The following GABRR3 variants were observed in gnomAD, a reference collection of about 807,000 sequenced individuals.
The protein encoded by GABRR3 is gamma-aminobutyric acid receptor subunit rho-3.
A neutral mutation model predicts 43.2 loss-of-function variants in GABRR3; 29 were observed. The observed-to-expected ratio is 0.67, with a 90% CI of 0.50 to 0.92. The LOEUF (loss-of-function observed/expected upper bound fraction) is 0.92. GABRR3 is among the 40% of genes least tolerant of loss of function. GABRR3 has a pLI of 0.00. For synonymous variants in GABRR3, 206 were observed against 195.9 expected (o/e 1.05, Z -0.43); for missense variants, 576 against 572.3 (o/e 1.01, Z -0.07).
chr3:98,031,657 C>A (rs1413540110), intron 2 of GABRR3, among the ~76,000 whole-genome samples: 1 of 152,008 alleles, frequency 6.6e-6, no homozygotes, highest in African/African-American at 2.4e-5. Flanking sequence ...GTGGGAGGAC[C>A]ACTTGAGCAC....
At chr3:97,997,321 G>C (rs896075998) in intron 8 of GABRR3, 6 of 152,012 alleles carry the variant, frequency 3.9e-5, no homozygotes, top group Admixed American at 2.6e-4. Context: ...TAATTCCAAA[G>C]GCTGAAATCC....
chr3:97,995,551 C>A (rs1040636856), intron 8 of GABRR3, among the ~76,000 whole-genome samples: 7 of 151,370 alleles, frequency 4.6e-5, no homozygotes, highest in African/African-American at 1.7e-4. Context: ...TTGACAATAG[C>A]CTTATTTATT....
intron 2 of GABRR3, 168 bp downstream of exon 2, chr3:98,034,695 T>G (rs1273359061): frequency 3.0e-6 from 1 of 332,552 alleles, no homozygotes; most frequent in Admixed American, 6.5e-5. Flanking sequence ...CTTTCGGATG[T>G]CAAACAGAGG....
intron 2 of GABRR3, among the ~76,000 whole-genome samples, chr3:98,026,583 C>T (rs1176935919): frequency 7.6e-6 from 1 of 130,776 alleles, no homozygotes; most frequent in Non-Finnish European, 1.7e-5. Flanking sequence ...TCAGCACCTC[C>T]TTCCAGAAAA....
At chr3:98,017,953 G>A (rs1441271872) in intron 3 of GABRR3, among the ~76,000 whole-genome samples, 1 of 150,818 alleles carries the variant, frequency 6.6e-6, no homozygotes, top group Non-Finnish European at 1.5e-5. Flanking sequence ...ATTTGCTTGG[G>A]ATCATGCCAA....
At chr3:98,006,751 C>T (rs916829561) in intron 7 of GABRR3, among the ~76,000 whole-genome samples, 2 of 152,054 alleles carry the variant, frequency 1.3e-5, no homozygotes, top group Admixed American at 6.5e-5. Flanking sequence ...ATATTAATAT[C>T]CAGAAGGGGA....
intron 8 of GABRR3, chr3:97,998,628 C>T (rs1706592090): frequency 6.6e-6 from 1 of 152,076 alleles, no homozygotes; most frequent in Non-Finnish European, 1.5e-5. Context: ...AATACTACTC[C>T]CTTTTCAAAC....
intron 8 of GABRR3, among the ~76,000 whole-genome samples, chr3:97,995,017 C>A (rs1158351377): frequency 6.6e-6 from 1 of 151,566 alleles, no homozygotes; most frequent in Non-Finnish European, 1.5e-5. Flanking sequence ...TTGCTCTTGT[C>A]CCCCAGGCTG....
chr3:98,028,677 G>T (rs1000036397), intron 2 of GABRR3, among the ~76,000 whole-genome samples: 21 of 152,138 alleles, frequency 1.4e-4, no homozygotes, highest in Non-Finnish European at 2.8e-4. Context: ...GGACACTGCA[G>T]GTGGTGAGTA....
At chr3:97,989,154 T>C (rs111066837) in intron 9 of GABRR3, among the ~76,000 whole-genome samples, 3,501 of 149,614 alleles carry the variant, frequency 0.023, 112 homozygotes, top group African/African-American at 0.079. Context: ...TAGTAGGATG[T>C]AGTGGTGGTT....
chr3:97,994,231 A>G (rs575000435), intron 8 of GABRR3, among the ~76,000 whole-genome samples: 104 of 152,306 alleles, frequency 6.8e-4, no homozygotes, highest in African/African-American at 2.5e-3. Flanking sequence ...ACACCTTTCT[A>G]TCCTTTCTGT....
intron 6 of GABRR3, 38 bp from the exon 7 acceptor site, chr3:98,007,942 G>A (rs990081644): frequency 1.3e-6 from 2 of 1,492,942 alleles, no homozygotes; most frequent in East Asian, 2.5e-5. Flanking sequence ...AGTGTAATAA[G>A]CTCTTGTAAG....
chr3:98,005,999 T>C (rs1335089098), intron 7 of GABRR3, among the ~76,000 whole-genome samples: 1 of 152,130 alleles, frequency 6.6e-6, no homozygotes, highest in Non-Finnish European at 1.5e-5. Context: ...CCATGCTTCA[T>C]TGCATACATT....
At chr3:97,989,444 G>A (rs1332682289) in intron 9 of GABRR3, among the ~76,000 whole-genome samples, 1 of 146,206 alleles carries the variant, frequency 6.8e-6, no homozygotes, top group East Asian at 2.1e-4. Flanking sequence ...TAGTGGTGGT[G>A]GGTGGTGGGT....
intron 8 of GABRR3, among the ~76,000 whole-genome samples, chr3:97,996,221 T>C (rs1007129002): frequency 5.9e-5 from 9 of 152,132 alleles, no homozygotes; most frequent in Non-Finnish European, 1.3e-4. Flanking sequence ...GTGTTTATAT[T>C]CACCTTCAAG....
chr3:98,015,386 G>C (rs1230996877), intron 4 of GABRR3, among the ~76,000 whole-genome samples: 1 of 152,148 alleles, frequency 6.6e-6, no homozygotes, highest in Non-Finnish European at 1.5e-5. Context: ...AGTAGAAACA[G>C]GGTTTCCTCA....
At chr3:98,013,826 A>T (rs1706841665) in intron 4 of GABRR3, among the ~76,000 whole-genome samples, 1 of 152,190 alleles carries the variant, frequency 6.6e-6, no homozygotes, top group South Asian at 2.1e-4. Flanking sequence ...CTTAATAAGC[A>T]TATATTTAGA....
intron 7 of GABRR3, 25 bp downstream of exon 7, chr3:98,007,739 G>A (rs924600801): frequency 1.2e-6 from 2 of 1,612,104 alleles, no homozygotes; most frequent in Non-Finnish European, 1.7e-6. Context: ...AAATGCTGAT[G>A]AATCACCCAT....
chr3:98,018,674 T>C lies in GABRR3; in HGVS notation c.239-952A>G, dbSNP rs993766628. On this transcript the variant is annotated intron_variant, in intron 3 of 9. Coordinates refer to ENST00000621172, the Ensembl canonical transcript of GABRR3. ...TTATATATTTATATATGTAGTCTTT[T>C]ATATGTTCTCTTTCCATATAAGCCA... Among the ~76,000 whole-genome samples the C allele has an allele frequency of 2.4e-4, 37 of 152,242 alleles. 2 individuals carry two copies. The highest frequency in any genetic ancestry group is 1.5e-5 in the Non-Finnish European group (1 of 68,044).
Sources: allele counts gnomAD v4.1 joint callset (sites outside exome capture counted in the v4.1 genomes callset), GRCh38; gene constraint gnomAD v4.1.1; transcripts MANE v1.5; gene names NCBI Gene and HGNC (gene_info 2026-07-23, HGNC 2026-07-21).